The following TSHZ2 variants were observed in gnomAD, a reference collection of about 807,000 sequenced individuals.
TSHZ2 encodes the protein teashirt zinc finger homeobox 2, also known as teashirt homolog 2.
Under a neutral mutation model 74.4 loss-of-function variants are expected in TSHZ2, and 21 were observed. That is an observed-to-expected ratio of 0.28 (90% CI 0.20 to 0.41). TSHZ2 has a LOEUF of 0.41. TSHZ2 is among the 10% of genes least tolerant of loss of function. The probability of loss-of-function intolerance (pLI) is 1.00; values close to 1 mark genes in which losing one functional copy is unlikely to be tolerated. For missense variants in TSHZ2, 1,244 were observed against 1,293.5 expected, an observed-to-expected ratio of 0.96 and a Z score of 0.59; for synonymous variants, 540 against 515.3, an observed-to-expected ratio of 1.05 and a Z score of -0.65.
intron 1 of TSHZ2, among the ~76,000 whole-genome samples, chr20:53,135,620 G>A (rs1326057719): frequency 6.6e-6 from 1 of 152,030 alleles, no homozygotes; most frequent in Admixed American, 6.6e-5. Context: ...TTTTGAGACA[G>A]GTTCTTGCTC....
chr20:53,194,160 T>C (rs1988804292), intron 1 of TSHZ2, among the ~76,000 whole-genome samples: 2 of 152,220 alleles, frequency 1.3e-5, no homozygotes, highest in Admixed American at 1.3e-4. Context: ...TCTTGACCAG[T>C]TCCCCGAACT....
intron 2 of TSHZ2, among the ~76,000 whole-genome samples, chr20:53,343,509 A>G (rs990934920): frequency 1.3e-5 from 2 of 152,144 alleles, no homozygotes; most frequent in Non-Finnish European, 1.5e-5. Flanking sequence ...CGGACGACCA[A>G]TTGGCAACTC....
intron 2 of TSHZ2, among the ~76,000 whole-genome samples, chr20:53,423,747 T>C (rs1983562921): frequency 6.6e-6 from 1 of 152,254 alleles, no homozygotes; most frequent in South Asian, 2.1e-4. Flanking sequence ...TCTGTTTGAC[T>C]GGCGAGGCAA....
At chr20:53,192,733 C>T (rs1988768049) in intron 1 of TSHZ2, among the ~76,000 whole-genome samples, 1 of 152,138 alleles carries the variant, frequency 6.6e-6, no homozygotes, top group South Asian at 2.1e-4. Context: ...TCTCTGGCTT[C>T]TCATTGGCAA....
intron 2 of TSHZ2, among the ~76,000 whole-genome samples, chr20:53,334,228 TAAAG>T (rs1471098347): frequency 1.3e-5 from 2 of 150,858 alleles, no homozygotes; most frequent in Admixed American, 1.3e-4. Context: ...CTGAGAAAAA[TAAAG>T]AGAGAAAAAA....
chr20:53,204,000 A>G (rs1568810659), intron 1 of TSHZ2, among the ~76,000 whole-genome samples: 1 of 150,682 alleles, frequency 6.6e-6, no homozygotes, highest in East Asian at 2.0e-4. Flanking sequence ...GTAGTGCACA[A>G]TATCTCCTTC....
intron 1 of TSHZ2, among the ~76,000 whole-genome samples, chr20:53,224,734 C>T (rs1023603717): frequency 6.6e-6 from 1 of 151,646 alleles, no homozygotes; most frequent in Admixed American, 6.6e-5. Context: ...CCTGTAATCC[C>T]AGCTACTCAG....
intron 2 of TSHZ2, among the ~76,000 whole-genome samples, chr20:53,371,294 A>G (rs1438372882): frequency 1.3e-5 from 2 of 152,226 alleles, no homozygotes. Context: ...ACTCTGGCCT[A>G]GGAATCTGGG....
intron 1 of TSHZ2, among the ~76,000 whole-genome samples, chr20:53,087,128 A>G (rs1985722356): frequency 6.6e-6 from 1 of 152,214 alleles, no homozygotes; most frequent in Non-Finnish European, 1.5e-5. Context: ...TCACATGGCT[A>G]GACCTTTTGC....
intron 1 of TSHZ2, among the ~76,000 whole-genome samples, chr20:53,028,102 C>T (rs1983512384): frequency 6.6e-6 from 1 of 152,166 alleles, no homozygotes; most frequent in Admixed American, 6.5e-5. Flanking sequence ...AATCCAGTCT[C>T]TTCTCTCTGC....
chr20:53,036,742 A>G (rs1184318856), intron 1 of TSHZ2, among the ~76,000 whole-genome samples: 1 of 147,878 alleles, frequency 6.8e-6, no homozygotes, highest in Non-Finnish European at 1.5e-5. Context: ...AATATATATT[A>G]TATAATTATA....
intron 1 of TSHZ2, among the ~76,000 whole-genome samples, chr20:53,150,869 CTTAGG>C (rs1365739640): frequency 5.9e-5 from 9 of 152,276 alleles, no homozygotes; most frequent in Middle Eastern, 3.4e-3. Flanking sequence ...ATTGGGCTGG[CTTAGG>C]TATACTTACG....
At chr20:53,487,012 T>G (rs1473871325) in intron 2 of TSHZ2, 132 bp from the exon 3 acceptor site, 1 of 152,540 alleles carries the variant, frequency 6.6e-6, no homozygotes, top group Middle Eastern at 3.4e-3. Context: ...GTTATATAAC[T>G]AGGACTCTAC....
intron 2 of TSHZ2, among the ~76,000 whole-genome samples, chr20:53,312,248 G>C (rs566517607): frequency 6.6e-6 from 1 of 152,156 alleles, no homozygotes; most frequent in Non-Finnish European, 1.5e-5. Flanking sequence ...GCAGGGTAGC[G>C]CAGTCACCCT....
intron 1 of TSHZ2, among the ~76,000 whole-genome samples, chr20:53,038,826 GTTC>G (rs977265193): frequency 2.0e-5 from 3 of 150,284 alleles, no homozygotes; most frequent in African/African-American, 7.3e-5. Context: ...TTCTAACAAA[GTTC>G]TTCTGGGTCC....
chr20:53,023,728 A>G (rs542748174), intron 1 of TSHZ2, among the ~76,000 whole-genome samples: 62 of 152,202 alleles, frequency 4.1e-4, no homozygotes, highest in African/African-American at 1.5e-3. Context: ...CTTGCAGTGA[A>G]TATTTTGTGA....
chr20:53,369,697 C>T (rs144762361), intron 2 of TSHZ2, among the ~76,000 whole-genome samples: 4 of 151,692 alleles, frequency 2.6e-5, no homozygotes, highest in African/African-American at 4.8e-5. Context: ...GGTGACAGAG[C>T]GAGACTCTGT....
At position 53,118,013 on chromosome 20, in the gene TSHZ2, TC is replaced by T. The variant is rs150694187; in HGVS notation, c.41-135484del. Among the ~76,000 whole-genome samples, 610 of 152,332 alleles carry T rather than the reference TC, an allele frequency of 4.0e-3. 2 individuals are homozygous for T. The highest frequency in any genetic ancestry group is 0.014 in the African/African-American group (578 of 41,572). On this transcript the variant is annotated intron_variant, in intron 1 of 2. Coordinates refer to ENST00000371497, the MANE Select transcript of TSHZ2 (RefSeq NM_173485.6). Reference sequence around the variant, plus strand: ...ACATGGAGAAGTGACAGAATTATTATCCTTCTTATCACTCAGGAGAATTGTG... The same window carrying T: ...ACATGGAGAAGTGACAGAATTATTATCTTCTTATCACTCAGGAGAATTGTG...
rs137872211 is a variant in TSHZ2 at position 53,234,124 on chromosome 20, T to G, written c.41-19375T>G. Among the ~76,000 whole-genome samples the G allele has an allele frequency of 1.0e-3, 156 of 152,292 alleles. 2 individuals carry two copies. In the East Asian group the frequency reaches 0.027, roughly 26 times the overall value. ...CTACCCTTAAATTGACTTCTAGATA[T>G]AGAACCAGATGGGTTTTGAGAAAGG... is the stretch of plus-strand genomic sequence containing the variant. On this transcript the variant is annotated intron_variant, in intron 1 of 2. Coordinates refer to ENST00000371497, the MANE Select transcript of TSHZ2 (RefSeq NM_173485.6).
Sources: allele counts gnomAD v4.1 joint callset (sites outside exome capture counted in the v4.1 genomes callset), GRCh38; gene constraint gnomAD v4.1.1; transcripts MANE v1.5; gene names NCBI Gene and HGNC (gene_info 2026-07-23, HGNC 2026-07-21).